PDE1C: variants seen among roughly 807,000 people sequenced by gnomAD.
PDE1C encodes dual specificity calcium/calmodulin-dependent 3',5'-cyclic nucleotide phosphodiesterase 1C.
In PDE1C, 62 loss-of-function variants were observed where a neutral mutation model predicts 93.1. That is an observed-to-expected ratio of 0.67 (90% confidence interval 0.54 to 0.82). The LOEUF is 0.82. Ranked by LOEUF, PDE1C falls within the 40% of genes least tolerant of loss-of-function variation. PDE1C has a pLI of 0.00. For synonymous variants in PDE1C, 325 were observed against 310.1 expected (o/e 1.05, Z -0.50); for missense variants, 742 against 884.6 (o/e 0.84, Z 2.04).
chr7:32,313,758 T>TG (rs1220343009), intron 1 of PDE1C, among the ~76,000 whole-genome samples: 2 of 22,400 alleles, frequency 8.9e-5, no homozygotes, highest in Admixed American at 7.2e-4. Flanking sequence ...TGTCATGAGG[T>TG]GGGGGGGAGG....
At chr7:32,159,863 G>A (rs1039014382) in intron 3 of PDE1C, among the ~76,000 whole-genome samples, 1 of 152,136 alleles carries the variant, frequency 6.6e-6, no homozygotes, top group African/African-American at 2.4e-5. Flanking sequence ...GCTTTGCCAG[G>A]TTGTCTGTAG....
intron 11 of PDE1C, among the ~76,000 whole-genome samples, chr7:31,833,917 C>G (rs1412974818): frequency 6.6e-6 from 1 of 152,206 alleles, no homozygotes; most frequent in East Asian, 1.9e-4. Flanking sequence ...TGTCACACAT[C>G]ACAGACCAAG....
chr7:32,407,487 C>A (rs1785079181), intron 1 of PDE1C, among the ~76,000 whole-genome samples: 1 of 152,122 alleles, frequency 6.6e-6, no homozygotes. Context: ...CCTCTTCCTG[C>A]AATGCCCTCC....
intron 2 of PDE1C, among the ~76,000 whole-genome samples, chr7:32,184,976 T>A (rs1423265168): frequency 3.9e-5 from 6 of 151,966 alleles, no homozygotes; most frequent in Non-Finnish European, 7.4e-5. Flanking sequence ...CTGGGCGTAG[T>A]GGCGCATGCC....
chr7:32,078,486 G>A (rs1265178803), intron 3 of PDE1C, among the ~76,000 whole-genome samples: 1 of 152,184 alleles, frequency 6.6e-6, no homozygotes, highest in East Asian at 1.9e-4. Context: ...TAGAAGTAGA[G>A]AAGAAAGGCT....
At chr7:31,925,039 CTGTGTGTGTGTGTGTG>C (rs70989622) in intron 2 of PDE1C, among the ~76,000 whole-genome samples, 8,881 of 135,354 alleles carry the variant, frequency 0.066, 328 homozygotes, top group South Asian at 0.11. Context: ...GTAGACATTT[CTGTGTGTGTGTGTGTG>C]TGTGTGTGTG....
At chr7:31,728,030 C>G in the PDE1C span, among the ~76,000 whole-genome samples, 1 of 152,130 alleles carries the variant, frequency 6.6e-6, no homozygotes, top group African/African-American at 2.4e-5. Flanking sequence ...GGTGACAGAG[C>G]AAGACTCCTT....
intron 1 of PDE1C, among the ~76,000 whole-genome samples, chr7:32,057,472 A>T (rs972467989): frequency 6.6e-6 from 1 of 152,228 alleles, no homozygotes; most frequent in Non-Finnish European, 1.5e-5. Context: ...ATTTACAGGC[A>T]GCTGGTCACA....
upstream of PDE1C, among the ~76,000 whole-genome samples, chr7:32,303,535 C>T (rs1167459267): frequency 2.0e-5 from 3 of 152,284 alleles, no homozygotes; most frequent in South Asian, 4.1e-4. Flanking sequence ...CAGTACCCTC[C>T]TCTGTTTCAT....
At chr7:31,800,912 G>A (rs1261590030) in intron 16 of PDE1C, among the ~76,000 whole-genome samples, 1 of 151,212 alleles carries the variant, frequency 6.6e-6, no homozygotes, top group Non-Finnish European at 1.5e-5. Flanking sequence ...TTAGGTCAAT[G>A]TAGATACCAA....
intron 2 of PDE1C, among the ~76,000 whole-genome samples, chr7:31,940,717 T>C (rs117499882): frequency 4.3e-4 from 66 of 152,300 alleles, no homozygotes; most frequent in Middle Eastern, 3.4e-3. Context: ...TGGTTCATCA[T>C]TGGTCCTCAT....
chr7:32,084,296 A>T (rs1453949595), intron 3 of PDE1C, among the ~76,000 whole-genome samples: 1 of 151,850 alleles, frequency 6.6e-6, no homozygotes, highest in Non-Finnish European at 1.5e-5. Context: ...CAACAAGAAG[A>T]GCTAACTATC....
At chr7:31,645,633 A>G in the PDE1C span, among the ~76,000 whole-genome samples, 14 of 152,284 alleles carry the variant, frequency 9.2e-5, no homozygotes, top group African/African-American at 3.1e-4. Flanking sequence ...CATTATTTAC[A>G]TCATTTGTTG....
chr7:31,865,279 T>C (rs111417222), intron 6 of PDE1C, among the ~76,000 whole-genome samples, 197 bp from the exon 7 acceptor site: 2 of 152,326 alleles, frequency 1.3e-5, no homozygotes, highest in African/African-American at 4.8e-5. Context: ...GGTTGAGAAA[T>C]AGCCTGCCTT....
chr7:31,618,565 A>AAGGCTTTGAAACCAAAAGGGAGTCCAG, the PDE1C span, among the ~76,000 whole-genome samples: 2 of 152,248 alleles, frequency 1.3e-5, no homozygotes, highest in Admixed American at 6.5e-5. Flanking sequence ...GATGTTAGGA[A>AAGGCTTTGAAACCAAAAGGGAGTCCAG]AGGCTTTGAA....
chr7:31,718,449 A>G, the PDE1C span, among the ~76,000 whole-genome samples: 1 of 152,178 alleles, frequency 6.6e-6, no homozygotes, highest in Admixed American at 6.5e-5. Context: ...GGACGTAAGA[A>G]TTTATTTTGT....
chr7:31,657,091 A>G, the PDE1C span, among the ~76,000 whole-genome samples: 3 of 7,350 alleles, frequency 4.1e-4, no homozygotes, highest in South Asian at 6.5e-3. Context: ...TATTTTATAT[A>G]TGATATATAT....
the PDE1C span, among the ~76,000 whole-genome samples, chr7:31,662,641 G>A: frequency 6.6e-6 from 1 of 152,196 alleles, no homozygotes; most frequent in Admixed American, 6.5e-5. Flanking sequence ...GCATGTATGT[G>A]TGCTGGATTT....
chr7:31,964,702 C>A lies in PDE1C; in HGVS notation c.129-83842G>T, dbSNP rs192005024. Reference sequence around the variant, plus strand: ...CCCGAGTAGCCTAACTGGGAGGCAACCCCCCAATAGGGGTGGACTGACACC... The same window carrying A: ...CCCGAGTAGCCTAACTGGGAGGCAAACCCCCAATAGGGGTGGACTGACACC... On this transcript the variant is annotated intron_variant, in intron 2 of 17. Transcript: ENST00000396191. 4.6e-5 allele frequency among the ~76,000 whole-genome samples: 7 copies of A among 152,296 alleles called. No homozygotes were observed. The South Asian group carries it at 8.3e-4, about 18-fold the overall frequency.
Sources: allele counts gnomAD v4.1 joint callset (sites outside exome capture counted in the v4.1 genomes callset), GRCh38; gene constraint gnomAD v4.1.1; transcripts MANE v1.5; gene names NCBI Gene and HGNC (gene_info 2026-07-23, HGNC 2026-07-21).